Variants in TTC28 observed in about 807,000 individuals in gnomAD.
The protein encoded by TTC28 is tetratricopeptide repeat protein 28.
In TTC28, 61 loss-of-function variants were observed where a neutral mutation model predicts 198.0. The observed-to-expected ratio is 0.31, with a 90% CI of 0.25 to 0.38. The LOEUF (loss-of-function observed/expected upper bound fraction) is 0.38, where lower values mean the gene tolerates loss of function less well. TTC28 is among the 10% of genes least tolerant of loss of function. The probability of loss-of-function intolerance (pLI) is 1.00; values close to 1 mark genes in which losing one functional copy is unlikely to be tolerated. For missense variants in TTC28, 2,678 were observed against 3,164.0 expected, an observed-to-expected ratio of 0.85 and a Z score of 3.69; for synonymous variants, 1,171 against 1,297.8, an observed-to-expected ratio of 0.90 and a Z score of 2.10.
chr22:28,566,854 T>A (rs1259203603), intron 2 of TTC28, among the ~76,000 whole-genome samples: 2 of 151,966 alleles, frequency 1.3e-5, no homozygotes, highest in Non-Finnish European at 2.9e-5. Flanking sequence ...GAAGCTGAGG[T>A]GGCAGGACTG....
At chr22:28,316,947 CT>C (rs950044869) in intron 2 of TTC28, among the ~76,000 whole-genome samples, 9 of 150,508 alleles carry the variant, frequency 6.0e-5, no homozygotes, top group African/African-American at 2.2e-4. Flanking sequence ...AAATTTTTTT[CT>C]TTTTTTTTAG....
chr22:28,575,277 G>GT (rs2050127694), intron 2 of TTC28, among the ~76,000 whole-genome samples: 1 of 152,124 alleles, frequency 6.6e-6, no homozygotes, highest in Non-Finnish European at 1.5e-5. Flanking sequence ...TTATTGAAGA[G>GT]TATCTTTTTC....
Position 28,057,479 on chromosome 22 carries a change from A to G in TTC28, c.3933-27113T>C, listed in dbSNP as rs776823051. ...TAAATCTTTCCACGTTTTAAATTGG[A>G]TTATTCTATTAATTAAATTTTAGGA... is the stretch of plus-strand genomic sequence containing the variant. On this transcript the variant is annotated intron_variant, in intron 12 of 22. Coordinates refer to ENST00000397906, the MANE Select transcript of TTC28 (RefSeq NM_001145418.2). Among the ~76,000 whole-genome samples the G allele has an allele frequency of 3.0e-4, 45 of 152,168 alleles. No individual in the cohort carries two copies. In the Middle Eastern group the frequency reaches 0.01, roughly 35 times the overall value.
Position 28,330,329 on chromosome 22 carries a change from C to A in TTC28, c.382-23686G>T, listed in dbSNP as rs1050925751. Reference sequence around the variant, plus strand: ...CATAACTCTTTTCATAAATTCAGGTCTTGGTAATGCTGCACAAAGACAGCA... The same window carrying A: ...CATAACTCTTTTCATAAATTCAGGTATTGGTAATGCTGCACAAAGACAGCA... On this transcript the variant is annotated intron_variant, in intron 2 of 22. Transcript: ENST00000397906. 3.3e-5 allele frequency among the ~76,000 whole-genome samples: 5 copies of A among 152,160 alleles called. No homozygotes were observed. In the East Asian group the frequency reaches 9.6e-4, roughly 29 times the overall value.
At chr22:28,512,417 A>G (rs1268006014) in intron 2 of TTC28, among the ~76,000 whole-genome samples, 2 of 152,202 alleles carry the variant, frequency 1.3e-5, no homozygotes, top group African/African-American at 4.8e-5. Context: ...CAGCAATCTC[A>G]TTACTGGGTA....
chr22:28,131,185 A>G (rs1485718755), intron 6 of TTC28, among the ~76,000 whole-genome samples: 3 of 152,210 alleles, frequency 2.0e-5, no homozygotes. Context: ...CTATTAATTT[A>G]GTATTATGTT....
chr22:28,522,332 C>T (rs1426120932), intron 2 of TTC28, among the ~76,000 whole-genome samples: 4 of 151,808 alleles, frequency 2.6e-5, no homozygotes, highest in African/African-American at 4.8e-5. Flanking sequence ...ACTAAAAATA[C>T]GAAAAATTAG....
chr22:28,658,356 C>T (rs2145690165), intron 1 of TTC28, among the ~76,000 whole-genome samples: 1 of 152,258 alleles, frequency 6.6e-6, no homozygotes, highest in South Asian at 2.1e-4. Flanking sequence ...GAAGAGTAAT[C>T]ATATTTCATT....
chr22:28,362,366 C>A (rs2046172892), intron 2 of TTC28, among the ~76,000 whole-genome samples: 1 of 152,120 alleles, frequency 6.6e-6, no homozygotes, highest in Admixed American at 6.5e-5. Context: ...TGCCATGATT[C>A]TGAGGCCTCC....
chr22:27,993,424 C>G lies in TTC28; in HGVS notation c.5339G>C (p.Gly1780Ala). ...CACAGCGGTGAGGAGGGCCTGCCAG[C>G]CAGGGATGCCGCCCACTTTGTTCTC... ...SVENKVGGIP[G>A]WQALLTAVGF... The change falls in exon 18 of 23, where the codon GGC becomes GCC. Residue 1780 changes from glycine (G) to alanine (A), a missense_variant. Gly to Ala is a moderately conservative substitution (Grantham distance 60). This residue lies in a region of TTC28 where 314 missense variants were observed against 442.7 expected (regional missense o/e 0.71). Transcript: ENST00000397906. 6.4e-7 allele frequency: 1 copy of G among 1,551,472 alleles called. No individual in the cohort carries two copies. The highest frequency in any genetic ancestry group is 8.7e-7 in the Non-Finnish European group (1 of 1,146,986).
At chr22:28,287,931 G>T (rs147563354) in intron 5 of TTC28, among the ~76,000 whole-genome samples, 26 of 152,240 alleles carry the variant, frequency 1.7e-4, no homozygotes, top group Non-Finnish European at 3.8e-4. Context: ...GGTATGCAAA[G>T]CTATCTAATA....
intron 5 of TTC28, among the ~76,000 whole-genome samples, chr22:28,193,665 C>T (rs1331831197): frequency 1.3e-5 from 2 of 152,070 alleles, no homozygotes; most frequent in East Asian, 1.9e-4. Context: ...GACTTTAAAC[C>T]AACAAAGATT....
At chr22:28,335,090 A>G (rs1435481657) in intron 2 of TTC28, among the ~76,000 whole-genome samples, 1 of 152,188 alleles carries the variant, frequency 6.6e-6, no homozygotes, top group Admixed American at 6.5e-5. Flanking sequence ...CAGTCTTCCC[A>G]GCACCATTTA....
chr22:28,629,918 G>C (rs1281895004), intron 1 of TTC28, 88 bp from the exon 2 acceptor site: 12 of 1,197,056 alleles, frequency 1.0e-5, no homozygotes, highest in Non-Finnish European at 1.3e-5. Flanking sequence ...GTCCCCTCCA[G>C]TTGCACATTA....
rs1023091544 is a variant in TTC28 at position 28,296,266 on chromosome 22, T to C, written c.865A>G (p.Asn289Asp). 25 of 1,551,212 alleles carry C rather than the reference T, an allele frequency of 1.6e-5. No homozygotes were observed. Among genetic ancestry groups the C allele is most frequent in the Non-Finnish European group, 2.1e-5 (24 of 1,146,740 alleles). ...TGGTTAGTGAGAGCCTCCCGGTAATTTCCTTTGGAGAAGAATGCAGAGCCC... is the reference window on the plus strand; with the variant it reads ...TGGTTAGTGAGAGCCTCCCGGTAATCTCCTTTGGAGAAGAATGCAGAGCCC... ...NLGSAFFSKGNYREALTNHRH... is the reference protein window; with the variant it reads ...NLGSAFFSKGDYREALTNHRH... Residue 289 changes from asparagine to aspartate, a missense_variant, in exon 5 of 23, where the codon AAT (asparagine) becomes GAT (aspartate). Physicochemically the swap from Asn to Asp is conservative, Grantham distance 23 (BLOSUM62 1). Coordinates refer to ENST00000397906, the MANE Select transcript of TTC28 (RefSeq NM_001145418.2).
chr22:28,675,771 ACAC>A (rs2051975417), intron 1 of TTC28, among the ~76,000 whole-genome samples: 1 of 151,168 alleles, frequency 6.6e-6, no homozygotes, highest in South Asian at 2.1e-4. Flanking sequence ...ACACACACAC[ACAC>A]AATGTAAAAA....
chr22:28,669,510 C>T (rs2051844348), intron 1 of TTC28, among the ~76,000 whole-genome samples: 3 of 151,906 alleles, frequency 2.0e-5, no homozygotes, highest in African/African-American at 7.2e-5. Context: ...ATATGTTCCT[C>T]AATATCAAAT....
At chr22:28,455,032 T>TA (rs1158172753) in intron 2 of TTC28, among the ~76,000 whole-genome samples, 2 of 152,124 alleles carry the variant, frequency 1.3e-5, no homozygotes, top group Non-Finnish European at 2.9e-5. Flanking sequence ...CAAGAGAAAT[T>TA]AAGAGTATAA....
rs1314424366 is a variant in TTC28, at chr22:28,467,320, A to G, written c.382-160677T>C. 3.3e-5 allele frequency among the ~76,000 whole-genome samples: 5 copies of G among 152,186 alleles called. No individual in the cohort carries two copies. In the East Asian group the frequency reaches 9.6e-4, roughly 29 times the overall value. On this transcript the variant is annotated intron_variant, in intron 2 of 22. Transcript: ENST00000397906. ...ACATCTGTGGTCCCAGCTATTCAGGAGGCTGAGGTGGGAGGATCACTTGGG... is the reference window on the plus strand; with the variant it reads ...ACATCTGTGGTCCCAGCTATTCAGGGGGCTGAGGTGGGAGGATCACTTGGG...
Sources: allele counts gnomAD v4.1 joint callset (sites outside exome capture counted in the v4.1 genomes callset), GRCh38; gene constraint gnomAD v4.1.1; regional missense constraint gnomAD v4.1.1; transcripts MANE v1.5; gene names NCBI Gene and HGNC (gene_info 2026-07-23, HGNC 2026-07-21).